XYLT1: variants seen among roughly 807,000 people sequenced by gnomAD.
XYLT1 encodes the protein beta-D-xylosyltransferase 1.
XYLT1 carries 36 observed loss-of-function variants against 91.3 expected under a neutral mutation model. The ratio of observed to expected loss-of-function variants is 0.39; its 90% CI spans 0.30 to 0.52. The LOEUF is 0.52. Among genes scored for constraint, XYLT1 ranks in the 20% least tolerant of loss-of-function variants. XYLT1 has a pLI of 0.68. For missense variants in XYLT1, 1,242 were observed against 1,284.5 expected, an observed-to-expected ratio of 0.97 and a Z score of 0.51; for synonymous variants, 588 against 532.0, an observed-to-expected ratio of 1.11 and a Z score of -1.45.
At chr16:17,370,401 C>T (rs553499960) in intron 1 of XYLT1, among the ~76,000 whole-genome samples, 4 of 152,324 alleles carry the variant, frequency 2.6e-5, no homozygotes, top group South Asian at 2.1e-4. Context: ...ATGCATGCCA[C>T]GCTTGGTGGA....
intron 2 of XYLT1, among the ~76,000 whole-genome samples, chr16:17,310,485 C>T (rs1043736687): frequency 6.6e-6 from 1 of 152,196 alleles, no homozygotes; most frequent in African/African-American, 2.4e-5. Flanking sequence ...GGAATTGCAT[C>T]TTCTGCTCAA....
chr16:17,408,829 C>A (rs1468282474), intron 1 of XYLT1, among the ~76,000 whole-genome samples: 1 of 151,924 alleles, frequency 6.6e-6, no homozygotes, highest in Non-Finnish European at 1.5e-5. Flanking sequence ...GCCCGGGCAA[C>A]AAGAGTGAAA....
intron 4 of XYLT1, among the ~76,000 whole-genome samples, 169 bp downstream of exon 4, chr16:17,200,309 CACAT>C (rs2032514512): frequency 2.0e-5 from 3 of 152,100 alleles, no homozygotes; most frequent in Non-Finnish European, 4.4e-5. Flanking sequence ...AACCAACACA[CACAT>C]AGAGACAGCA....
At chr16:17,341,191 A>G (rs1390701087) in intron 2 of XYLT1, among the ~76,000 whole-genome samples, 2 of 152,218 alleles carry the variant, frequency 1.3e-5, no homozygotes, top group Admixed American at 1.3e-4. Context: ...ATTTACAAGA[A>G]TGGCTAAAGG....
intron 3 of XYLT1, among the ~76,000 whole-genome samples, chr16:17,233,710 C>G (rs1216474253): frequency 6.6e-6 from 1 of 152,190 alleles, no homozygotes; most frequent in Non-Finnish European, 1.5e-5. Flanking sequence ...AGTGAGCAAG[C>G]AAGCCTGGGC....
chr16:17,231,368 G>T (rs181541227), intron 3 of XYLT1, among the ~76,000 whole-genome samples: 1 of 152,152 alleles, frequency 6.6e-6, no homozygotes, highest in Non-Finnish European at 1.5e-5. Flanking sequence ...CACAGGCAGT[G>T]GGGGGCAGTG....
chr16:17,259,159 C>T lies in XYLT1; in HGVS notation c.742G>A (p.Glu248Lys), dbSNP rs765052371. 9.2e-5 allele frequency: 147 copies of T among 1,599,138 alleles called. No homozygotes were observed. Among genetic ancestry groups the T allele is most frequent in the Admixed American group, 5.2e-4 (30 of 57,238 alleles). The change falls in exon 3 of 12, where the codon GAG (glutamate) becomes AAG (lysine). Residue 248 changes from glutamate (E) to lysine (K), a missense_variant. Glu to Lys is a moderately conservative substitution (Grantham distance 56). This residue lies in a region of XYLT1 where 437 missense variants were observed against 411.5 expected (regional missense o/e 1.06). Coordinates refer to ENST00000261381, the MANE Select transcript of XYLT1 (RefSeq NM_022166.4). ...HARKTGGSSP[E>K]TKYDQPPKCD... ...TTAGGGGGCTGGTCATACTTGGTCTCGGGGGAGCTGCCCCCAGTTTTCCTG... is the reference window on the plus strand; with the variant it reads ...TTAGGGGGCTGGTCATACTTGGTCTTGGGGGAGCTGCCCCCAGTTTTCCTG...
At chr16:17,304,401 C>T in intron 2 of XYLT1, among the ~76,000 whole-genome samples, 1 of 152,228 alleles carries the variant, frequency 6.6e-6, no homozygotes, top group South Asian at 2.1e-4. Flanking sequence ...GTTGCCAACA[C>T]AATACTGTCC....
chr16:17,315,683 C>T (rs2034620139), intron 2 of XYLT1, among the ~76,000 whole-genome samples: 1 of 152,140 alleles, frequency 6.6e-6, no homozygotes, highest in Non-Finnish European at 1.5e-5. Context: ...AACAAATGGA[C>T]CCCATGAGGC....
intron 5 of XYLT1, among the ~76,000 whole-genome samples, chr16:17,189,047 G>C (rs2032252064): frequency 6.6e-6 from 1 of 152,052 alleles, no homozygotes; most frequent in Non-Finnish European, 1.5e-5. Context: ...TATTTTTTTG[G>C]GTGAATGGGT....
intron 5 of XYLT1, among the ~76,000 whole-genome samples, chr16:17,181,392 C>T (rs529092039): frequency 1.3e-5 from 2 of 152,234 alleles, no homozygotes; most frequent in Admixed American, 6.5e-5. Flanking sequence ...AGGAAAGTGA[C>T]CACACAAGGC....
chr16:17,336,161 T>C (rs2034976705), intron 2 of XYLT1, among the ~76,000 whole-genome samples: 1 of 152,218 alleles, frequency 6.6e-6, no homozygotes, highest in Admixed American at 6.5e-5. Context: ...GATACCTACC[T>C]GATTAAATCA....
chr16:17,169,583 C>G (rs2031776999), intron 5 of XYLT1, among the ~76,000 whole-genome samples: 1 of 150,572 alleles, frequency 6.6e-6, no homozygotes. Flanking sequence ...TGACAACAAT[C>G]AGCACCCAGG....
intron 2 of XYLT1, among the ~76,000 whole-genome samples, chr16:17,313,721 T>C (rs1316221898): frequency 6.6e-6 from 1 of 150,482 alleles, no homozygotes; most frequent in East Asian, 1.9e-4. Context: ...GAATCCATGA[T>C]AGCATTGGGA....
intron 5 of XYLT1, among the ~76,000 whole-genome samples, chr16:17,165,201 A>G (rs975769839): frequency 3.9e-5 from 6 of 152,248 alleles, no homozygotes; most frequent in African/African-American, 1.4e-4. Context: ...TGGTATTTGC[A>G]TCTATTAACC....
At chr16:17,417,619 C>T (rs780988740) in intron 1 of XYLT1, among the ~76,000 whole-genome samples, 2 of 152,134 alleles carry the variant, frequency 1.3e-5, no homozygotes, top group African/African-American at 4.8e-5. Flanking sequence ...ACAAAGAAGC[C>T]GGCGTGTGCT....
chr16:17,105,873 A>T lies in XYLT1; in HGVS notation c.*2822T>A, dbSNP rs1006776012. 6.6e-6 allele frequency: 1 copy of T among 152,084 alleles called. No individual in the cohort carries two copies. Among genetic ancestry groups the T allele is most frequent in the African/African-American group, 2.4e-5 (1 of 41,394 alleles). 9.4% of individuals were successfully genotyped at this position (152,084 alleles called of 1,614,324 possible). A position where few individuals can be genotyped will look rare whatever the true frequency, so the allele number is the denominator to read the frequency against. On this transcript the variant is annotated 3_prime_UTR_variant, in exon 12 of 12. Coordinates refer to ENST00000261381, the MANE Select transcript of XYLT1 (RefSeq NM_022166.4). ...AAAAAATTATTTTCCCTGGGAAAAC[A>T]TCCTCTTTTCTCAAATCATGCTGGG... is the stretch of plus-strand genomic sequence containing the variant.
chr16:17,448,463 C>T (rs934341774), intron 1 of XYLT1, among the ~76,000 whole-genome samples: 4 of 152,070 alleles, frequency 2.6e-5, no homozygotes, highest in African/African-American at 9.7e-5. Context: ...ATCATTATTA[C>T]AATTGCTGTA....
intron 3 of XYLT1, among the ~76,000 whole-genome samples, chr16:17,219,242 C>G (rs1644570350): frequency 7.4e-6 from 1 of 134,656 alleles, no homozygotes; most frequent in South Asian, 2.4e-4. Flanking sequence ...GGTCGTGCCA[C>G]TGTGCTCCAG....
Sources: gnomAD v4.1 joint callset for allele counts (sites outside exome capture counted in the v4.1 genomes callset) on GRCh38, gnomAD v4.1.1 for gene constraint, gnomAD v4.1.1 regional missense constraint, MANE v1.5 for transcripts, NCBI Gene and HGNC (gene_info 2026-07-23, HGNC 2026-07-21) for gene names.